PRDM16: variants seen among roughly 807,000 people sequenced by gnomAD.
The protein encoded by PRDM16 is histone-lysine N-methyltransferase PRDM16.
Under a neutral mutation model 110.6 loss-of-function variants are expected in PRDM16, and 23 were observed. That is an observed-to-expected ratio of 0.21 (90% CI 0.15 to 0.29). The LOEUF (loss-of-function observed/expected upper bound fraction) is 0.29. PRDM16 is among the 10% of genes least tolerant of loss of function. The pLI, the probability that PRDM16 is intolerant of heterozygous loss-of-function variation, is 1.00. For missense variants in PRDM16, 1,615 were observed against 1,794.3 expected (o/e 0.90, Z 1.81); for synonymous variants, 799 against 781.8 (o/e 1.02, Z -0.37).
At chr1:3,392,513 G>C (rs1446316036) in intron 4 of PRDM16, among the ~76,000 whole-genome samples, 1 of 152,214 alleles carries the variant, frequency 6.6e-6, no homozygotes, top group African/African-American at 2.4e-5. Flanking sequence ...AATTTGCATG[G>C]AGTTTTTCGT....
At chr1:3,309,268 C>T (rs1641385361) in intron 3 of PRDM16, 2 of 152,376 alleles carry the variant, frequency 1.3e-5, no homozygotes, top group South Asian at 4.1e-4. Flanking sequence ...CACAGCAGCC[C>T]CTGGCTTTCT....
At chr1:3,273,546 G>A (rs550798468) in intron 3 of PRDM16, among the ~76,000 whole-genome samples, 1 of 152,172 alleles carries the variant, frequency 6.6e-6, no homozygotes, top group East Asian at 1.9e-4. Flanking sequence ...GGTATATGGG[G>A]GCTGCATATA....
At chr1:3,271,709 C>T (rs925393858) in intron 3 of PRDM16, among the ~76,000 whole-genome samples, 2 of 152,182 alleles carry the variant, frequency 1.3e-5, no homozygotes, top group Non-Finnish European at 2.9e-5. Flanking sequence ...GCTGGAGGGG[C>T]ACCTGGTGGC....
At position 3,437,317 on chromosome 1, in the gene PRDM16, C is replaced by T. The variant is rs1034884453; in HGVS notation, c.*3506C>T. On this transcript the variant is annotated 3_prime_UTR_variant, in exon 17 of 17. Coordinates refer to ENST00000270722, the MANE Select transcript of PRDM16 (RefSeq NM_022114.4). ...GGGCCCTGGCGTCCTCTGCCTTCCCCGCTTCCCCATGAGCGTCTGCAAAAC... is the reference window on the plus strand; with the variant it reads ...GGGCCCTGGCGTCCTCTGCCTTCCCTGCTTCCCCATGAGCGTCTGCAAAAC... The T allele has an allele frequency of 9.4e-5, 22 of 232,832 alleles. No homozygotes were observed. Among genetic ancestry groups the T allele is most frequent in the Non-Finnish European group, 1.4e-4 (16 of 117,846 alleles). The allele number at this position is 232,832 out of a possible 1,614,324, so 14.4% of individuals were successfully genotyped here. A position where few individuals can be genotyped will look rare whatever the true frequency, so the allele number is the denominator to read the frequency against.
intron 2 of PRDM16, among the ~76,000 whole-genome samples, chr1:3,195,653 G>T (rs1038246200): frequency 1.3e-5 from 2 of 150,868 alleles, no homozygotes; most frequent in African/African-American, 2.4e-5. Flanking sequence ...TGTACCAAGA[G>T]ACCTGAAAAC....
intron 1 of PRDM16, among the ~76,000 whole-genome samples, chr1:3,076,901 G>A (rs1570205004): frequency 6.6e-6 from 1 of 152,126 alleles, no homozygotes; most frequent in Admixed American, 6.5e-5. Context: ...GGTGATGGTG[G>A]GTGTTTTTGG....
chr1:3,393,650 G>T (rs565513857), intron 4 of PRDM16, among the ~76,000 whole-genome samples: 1 of 152,172 alleles, frequency 6.6e-6, no homozygotes, highest in South Asian at 2.1e-4. Flanking sequence ...TGACCCCGCC[G>T]GCCAGGAACA....
At chr1:3,230,792 G>A (rs1639390525) in intron 2 of PRDM16, among the ~76,000 whole-genome samples, 1 of 152,226 alleles carries the variant, frequency 6.6e-6, no homozygotes. Context: ...CACCTGCCCG[G>A]TGCGACCGCA....
chr1:3,221,290 G>A (rs1035054324), intron 2 of PRDM16, among the ~76,000 whole-genome samples: 54 of 152,240 alleles, frequency 3.5e-4, no homozygotes, highest in African/African-American at 1.1e-3. Flanking sequence ...CGGTTCCAGC[G>A]CTCAGTTGCC....
intron 5 of PRDM16, among the ~76,000 whole-genome samples, chr1:3,396,863 G>A (rs541081275): frequency 7.4e-4 from 112 of 152,342 alleles, no homozygotes; most frequent in African/African-American, 2.5e-3. Context: ...GAAGGGCTTC[G>A]GGCAGTGGGC....
At chr1:3,405,770 G>A in intron 8 of PRDM16, 122 bp downstream of exon 8, 1 of 987,512 alleles carries the variant, frequency 1.0e-6, no homozygotes, top group South Asian at 1.9e-5. Flanking sequence ...TGTTCATAAA[G>A]CACTCATGGC....
rs914379715 is a variant in PRDM16, at chr1:3,436,422, C to T, written c.*2611C>T. 6 of 230,488 alleles carry T rather than the reference C, an allele frequency of 2.6e-5. No individual in the cohort carries two copies. Among genetic ancestry groups the T allele is most frequent in the Admixed American group, 1.1e-4 (2 of 17,690 alleles). 14.3% of individuals were successfully genotyped at this position (230,488 alleles called of 1,614,324 possible). ...ACCTTTCCCAAGAGTCCTGGTTGCA[C>T]GTTTTAAGTCATATATTTTCGTCCC... On this transcript the variant is annotated 3_prime_UTR_variant, in exon 17 of 17. Transcript: ENST00000270722.
At chr1:3,249,844 A>G (rs970539872) in intron 3 of PRDM16, among the ~76,000 whole-genome samples, 2 of 152,238 alleles carry the variant, frequency 1.3e-5, no homozygotes, top group Non-Finnish European at 2.9e-5. Flanking sequence ...GAATGAACAT[A>G]TAGTAAAGTC....
chr1:3,221,753 GCAAA>G (rs1349424764), intron 2 of PRDM16, among the ~76,000 whole-genome samples: 24 of 152,204 alleles, frequency 1.6e-4, no homozygotes, highest in Admixed American at 4.6e-4. Flanking sequence ...GCACATGTGT[GCAAA>G]CAGTGACATG....
chr1:3,417,914 C>G lies in PRDM16; in HGVS notation c.2778C>G (p.Pro926=), dbSNP rs753209230. The G allele has an allele frequency of 1.4e-5, 22 of 1,612,480 alleles. No individual in the cohort carries two copies. The highest frequency in any genetic ancestry group is 6.7e-5 in the Admixed American group (4 of 59,986). The change falls in exon 11 of 17, where the codon CCC becomes CCG. Residue 926 remains proline (P), a synonymous_variant. Transcript: ENST00000270722. The part of the protein sequence containing the change: ...ADSGSSLQPL[P]HHPFNFRSPP... ...CGGGCAGCTCCCTGCAGCCCCTCCC[C>G]CACCACCCCTTCAACTTCCGGTCCC... is the stretch of plus-strand genomic sequence containing the variant.
At position 3,303,695 on chromosome 1, in the gene PRDM16, T is replaced by C. The variant is rs1641253986; in HGVS notation, c.438+59558T>C. On this transcript the variant is annotated intron_variant, in intron 3 of 16. Coordinates refer to ENST00000270722, the MANE Select transcript of PRDM16 (RefSeq NM_022114.4). ...ATTCCCACCAGTAGTGTGAGGGTCC[T>C]AACTTCCCCACATCCTTGCAGACGC... 2.0e-5 allele frequency among the ~76,000 whole-genome samples: 3 copies of C among 152,240 alleles called. No homozygotes were observed. In the South Asian group the frequency reaches 6.2e-4, roughly 31 times the overall value.
chr1:3,276,941 A>T (rs1332537130), intron 3 of PRDM16, among the ~76,000 whole-genome samples: 2 of 148,052 alleles, frequency 1.4e-5, no homozygotes, highest in Admixed American at 1.4e-4. Flanking sequence ...CCCCATCACG[A>T]CCCCGGGCAG....
intron 1 of PRDM16, among the ~76,000 whole-genome samples, chr1:3,078,770 T>C (rs1641953929): frequency 6.6e-6 from 1 of 152,214 alleles, no homozygotes; most frequent in Admixed American, 6.5e-5. Flanking sequence ...CTCTTGCCCG[T>C]GACATGGTTG....
intron 2 of PRDM16, among the ~76,000 whole-genome samples, chr1:3,242,616 T>C (rs551817843): frequency 6.6e-6 from 1 of 152,312 alleles, no homozygotes; most frequent in South Asian, 2.1e-4. Flanking sequence ...TGCCTGAATC[T>C]AGCAGCCATC....
Sources: allele counts gnomAD v4.1 joint callset (sites outside exome capture counted in the v4.1 genomes callset), GRCh38; gene constraint gnomAD v4.1.1; transcripts MANE v1.5; gene names NCBI Gene and HGNC (gene_info 2026-07-23, HGNC 2026-07-21).